The following ZNF721 variants were observed in gnomAD, a reference collection of about 807,000 sequenced individuals.
ZNF721 encodes zinc finger protein 721.
Under a neutral mutation model 2.4 loss-of-function variants are expected in ZNF721, and 2 were observed. The observed-to-expected ratio is 0.82, with a 90% CI of 0.34 to 2.58. The LOEUF is 2.58. Ranked by LOEUF, ZNF721 falls within the 30% of genes most tolerant of loss-of-function variation. The probability of loss-of-function intolerance (pLI) is 0.11; values close to 1 mark genes in which losing one functional copy is unlikely to be tolerated. For missense variants in ZNF721, 1,187 were observed against 1,085.5 expected, an observed-to-expected ratio of 1.09 and a Z score of -1.31; for synonymous variants, 398 against 381.8, an observed-to-expected ratio of 1.04 and a Z score of -0.50.
chr4:476,050 C>T (rs2108715248), intron 1 of ZNF721, among the ~76,000 whole-genome samples: 1 of 152,280 alleles, frequency 6.6e-6, no homozygotes, highest in Non-Finnish European at 1.5e-5. Context: ...ATGAGATTCT[C>T]TGGGCCCTTT....
Position 441,669 on chromosome 4 carries a change from A to G in ZNF721, c.*26T>C, listed in dbSNP as rs781877819. 11 of 1,553,508 alleles carry G rather than the reference A, an allele frequency of 7.1e-6. No homozygotes were observed. Among genetic ancestry groups the G allele is most frequent in the African/African-American group, 1.4e-5 (1 of 73,268 alleles). ...CTCTTATGTTTAAGAATGCTGTAGT[A>G]TGACTTAAAGGCTTTGCCACATTCT... is the stretch of plus-strand genomic sequence containing the variant. On this transcript the variant is annotated 3_prime_UTR_variant, in exon 3 of 3. Transcript: ENST00000511833.
intron 2 of ZNF721, among the ~76,000 whole-genome samples, chr4:467,585 AC>A (rs1285838492): frequency 6.6e-6 from 1 of 152,232 alleles, no homozygotes; most frequent in African/African-American, 2.4e-5. Flanking sequence ...ATGGCTACAG[AC>A]AAGAAAATGG....
intron 1 of ZNF721, among the ~76,000 whole-genome samples, chr4:477,992 A>G (rs556349421): frequency 6.6e-6 from 1 of 152,346 alleles, no homozygotes; most frequent in East Asian, 1.9e-4. Flanking sequence ...CCACAGAAGC[A>G]GGAACCTAGA....
chr4:462,853 C>T (rs1715111554), intron 2 of ZNF721, among the ~76,000 whole-genome samples: 1 of 152,152 alleles, frequency 6.6e-6, no homozygotes, highest in South Asian at 2.1e-4. Context: ...GCAAAGACTT[C>T]ATGACTAAAA....
chr4:475,729 C>G (rs1349161083), intron 1 of ZNF721, among the ~76,000 whole-genome samples: 2 of 151,864 alleles, frequency 1.3e-5, no homozygotes, highest in Admixed American at 1.3e-4. Context: ...ACAAGAATGG[C>G]CAACCTCTTA....
intron 2 of ZNF721, among the ~76,000 whole-genome samples, chr4:451,573 T>A (rs1413116044): frequency 6.6e-6 from 1 of 152,232 alleles, no homozygotes; most frequent in Non-Finnish European, 1.5e-5. Flanking sequence ...GTCTGGTGAA[T>A]GTAAATATAT....
intron 2 of ZNF721, among the ~76,000 whole-genome samples, chr4:463,163 C>T (rs1373923704): frequency 2.0e-5 from 3 of 152,170 alleles, no homozygotes; most frequent in South Asian, 2.1e-4. Flanking sequence ...AAAAGCTCAT[C>T]GTCACTGGTC....
chr4:442,819 T>C lies in ZNF721; in HGVS notation c.1648A>G (p.Ile550Val). The change falls in exon 3 of 3, where the codon ATT becomes GTT. Residue 550 changes from isoleucine (I) to valine (V), a missense_variant. Physicochemically the swap from Ile to Val is conservative, Grantham distance 29. Coordinates refer to ENST00000511833, the MANE Select transcript of ZNF721 (RefSeq NM_133474.4). ...GTGTAGGGTTTCTCTCCAGTATGAA[T>C]TCTCCTATGTACATAAAGGATTGCG... ...QSAILYVHRR[I>V]HTGEKPYTCE... The C allele has an allele frequency of 6.2e-7, 1 of 1,613,892 alleles. No homozygotes were observed. The highest frequency in any genetic ancestry group is 8.5e-7 in the Non-Finnish European group (1 of 1,179,904).
intron 1 of ZNF721, chr4:474,265 G>GA (rs1362878900): frequency 5.7e-6 from 2 of 348,662 alleles, no homozygotes; most frequent in East Asian, 1.5e-4. Flanking sequence ...CTCAGGCTTT[G>GA]AATGACAGAA....
chr4:497,590 T>C (rs1406316651), intron 1 of ZNF721, among the ~76,000 whole-genome samples: 2 of 152,042 alleles, frequency 1.3e-5, no homozygotes, highest in Non-Finnish European at 2.9e-5. Context: ...ATCAATCATA[T>C]GTATAATAAC....
At chr4:445,185 A>G (rs1292730581) in intron 2 of ZNF721, among the ~76,000 whole-genome samples, 1 of 151,814 alleles carries the variant, frequency 6.6e-6, no homozygotes, top group Admixed American at 6.6e-5. Flanking sequence ...GGGTTTCACT[A>G]TGTTAGCCAG....
chr4:483,439 C>G (rs1553869817), intron 1 of ZNF721, among the ~76,000 whole-genome samples: 1 of 151,976 alleles, frequency 6.6e-6, no homozygotes. Context: ...GTAATCCCAG[C>G]TACTTGGGAG....
intron 1 of ZNF721, among the ~76,000 whole-genome samples, chr4:491,248 A>T (rs969764236): frequency 6.6e-6 from 1 of 152,110 alleles, no homozygotes; most frequent in Admixed American, 6.5e-5. Context: ...CAACATAGTT[A>T]AAGCCCGTGT....
chr4:486,622 A>G (rs1198261719), intron 1 of ZNF721, among the ~76,000 whole-genome samples: 8 of 152,228 alleles, frequency 5.3e-5, no homozygotes, highest in Non-Finnish European at 1.5e-5. Flanking sequence ...ATTTGTCTAC[A>G]GAGCAAAAGT....
Position 483,172 on chromosome 4 carries a change from A to G in ZNF721, c.-93-10471T>C, listed in dbSNP as rs189832385. 3.2e-4 allele frequency among the ~76,000 whole-genome samples: 49 copies of G among 152,364 alleles called. 1 individual carries two copies. Among genetic ancestry groups the G allele is most frequent in the African/African-American group, 1.1e-3 (46 of 41,586 alleles). ...TTAGCAGATGTTCAGGTGGAGCATCAGCCTATTATACTATTTTGGTTACTG... is the reference window on the plus strand; with the variant it reads ...TTAGCAGATGTTCAGGTGGAGCATCGGCCTATTATACTATTTTGGTTACTG... On this transcript the variant is annotated intron_variant, in intron 1 of 2. Transcript: ENST00000511833.
intron 1 of ZNF721, among the ~76,000 whole-genome samples, chr4:488,472 G>A (rs1440689981): frequency 6.6e-6 from 1 of 152,170 alleles, no homozygotes; most frequent in East Asian, 1.9e-4. Context: ...GCTGTGAGGA[G>A]ATCTGAAGAC....
chr4:470,117 C>T (rs1467298552), intron 2 of ZNF721, among the ~76,000 whole-genome samples: 1 of 152,140 alleles, frequency 6.6e-6, no homozygotes, highest in Non-Finnish European at 1.5e-5. Context: ...CTCCCGACCT[C>T]GTGATCCACC....
At chr4:482,760 G>T (rs1293716241) in intron 1 of ZNF721, among the ~76,000 whole-genome samples, 1 of 152,126 alleles carries the variant, frequency 6.6e-6, no homozygotes, top group African/African-American at 2.4e-5. Context: ...CTCCCAAAGT[G>T]CTGGGATTAC....
rs148341607 is a variant in ZNF721, at chr4:449,284, A to G, written c.35-4852T>C. ...TTTTGGAAATTATCTTCAAATCACG[A>G]AAGTGTTTCTTCCACACACACAAAA... On this transcript the variant is annotated intron_variant, in intron 2 of 2. Coordinates refer to ENST00000511833, the MANE Select transcript of ZNF721 (RefSeq NM_133474.4). 4.1e-3 allele frequency among the ~76,000 whole-genome samples: 631 copies of G among 152,304 alleles called. 5 individuals are homozygous for G. Among genetic ancestry groups the G allele is most frequent in the East Asian group, 0.027 (139 of 5,192 alleles).
Sources: allele counts gnomAD v4.1 joint callset (sites outside exome capture counted in the v4.1 genomes callset), GRCh38; gene constraint gnomAD v4.1.1; transcripts MANE v1.5; gene names NCBI Gene and HGNC (gene_info 2026-07-23, HGNC 2026-07-21).